COL4A2: variants seen among roughly 807,000 people sequenced by gnomAD.
COL4A2 encodes the protein collagen type IV alpha 2 chain, also known as collagen alpha-2(IV) chain.
In COL4A2, 99 loss-of-function variants were observed where a neutral mutation model predicts 200.2. That is an observed-to-expected ratio of 0.49 (90% CI 0.42 to 0.58). COL4A2 has a LOEUF of 0.58. COL4A2 is among the 20% of genes least tolerant of loss of function. The pLI, the probability that COL4A2 is intolerant of heterozygous loss-of-function variation, is 0.00. For synonymous variants in COL4A2, 897 were observed against 900.6 expected (o/e 1.00, Z 0.07); for missense variants, 1,950 against 2,314.1 (o/e 0.84, Z 3.23).
Position 110,465,349 on chromosome 13 carries a change from G to A in COL4A2, c.1777-56G>A, listed in dbSNP as rs73619501. Reference sequence around the variant, plus strand: ...AAATGGGAAAGGAAACAGGGAAGTCGAGGCGATCTTTAACATTAGTATATA... The same window carrying A: ...AAATGGGAAAGGAAACAGGGAAGTCAAGGCGATCTTTAACATTAGTATATA... On this transcript the variant is annotated intron_variant, in intron 24 of 47. Coordinates refer to ENST00000360467, the MANE Select transcript of COL4A2 (RefSeq NM_001846.4). 2.0e-3 allele frequency: 3,092 copies of A among 1,530,496 alleles called. 47 individuals are homozygous for A. The African/African-American group carries it at 0.036, about 18-fold the overall frequency. The allele number at this position is 1,530,496 out of a possible 1,614,324, so 94.8% of individuals were successfully genotyped here. A position where few individuals can be genotyped will look rare whatever the true frequency, so the allele number is the denominator to read the frequency against.
At chr13:110,379,646 G>A (rs895968882) in intron 4 of COL4A2, among the ~76,000 whole-genome samples, 11 of 152,286 alleles carry the variant, frequency 7.2e-5, no homozygotes, top group Middle Eastern at 3.4e-3. Context: ...TGGGGTGCTG[G>A]GGTCGGAGTA....
At position 110,313,444 on chromosome 13, in the gene COL4A2, G is replaced by A. The variant is rs570661910; in HGVS notation, c.99+5321G>A. On this transcript the variant is annotated intron_variant, in intron 3 of 47. Transcript: ENST00000360467. ...TTCAAAGGACGTGCGAGCAGCCGGC[G>A]TCCACCCGGCAGGCTCCCACCCCGG... is the stretch of plus-strand genomic sequence containing the variant. Among the ~76,000 whole-genome samples, 39 of 152,028 alleles carry A rather than the reference G, an allele frequency of 2.6e-4. 1 individual carries two copies. The highest frequency in any genetic ancestry group is 8.9e-4 in the African/African-American group (37 of 41,432).
At chr13:110,327,457 C>A (rs1215024747) in intron 3 of COL4A2, among the ~76,000 whole-genome samples, 2 of 152,250 alleles carry the variant, frequency 1.3e-5, no homozygotes, top group Non-Finnish European at 2.9e-5. Flanking sequence ...GCCGTCCCAG[C>A]AGGTCAGTCT....
At chr13:110,391,621 G>A (rs982960353) in intron 4 of COL4A2, among the ~76,000 whole-genome samples, 2 of 152,234 alleles carry the variant, frequency 1.3e-5, no homozygotes, top group Non-Finnish European at 1.5e-5. Flanking sequence ...GCTTACTAGC[G>A]CGATGCCCTT....
chr13:110,308,518 G>A lies in COL4A2; in HGVS notation c.99+395G>A, dbSNP rs149407344. Among the ~76,000 whole-genome samples, 72 of 152,310 alleles carry A rather than the reference G, an allele frequency of 4.7e-4. 1 individual carries two copies. The Middle Eastern group carries it at 0.01, about 22-fold the overall frequency. ...CCTGGAACTCGGGAGCTGGTGGGGA[G>A]TCTCTGTCACGGACTGAGGGTTTTT... On this transcript the variant is annotated intron_variant, in intron 3 of 47. Transcript: ENST00000360467.
rs76613410 is a variant in COL4A2 at position 110,381,798 on chromosome 13, C to T, written c.180+24246C>T. ...GTAAACCACACAGCCAAGCACCCAA[C>T]GCATCATCATCTTCATATCATCGTT... is the stretch of plus-strand genomic sequence containing the variant. On this transcript the variant is annotated intron_variant, in intron 4 of 47. Transcript: ENST00000360467. 1.3e-3 allele frequency among the ~76,000 whole-genome samples: 200 copies of T among 152,314 alleles called. 2 individuals are homozygous for T. The East Asian group carries it at 0.033, about 25-fold the overall frequency.
At chr13:110,472,752 G>C (rs1882527801) in intron 28 of COL4A2, among the ~76,000 whole-genome samples, 177 bp from the exon 29 acceptor site, 1 of 152,244 alleles carries the variant, frequency 6.6e-6, no homozygotes, top group East Asian at 1.9e-4. Context: ...CCAACAGAAC[G>C]ACATGGCGAA....
chr13:110,444,648 A>G (rs575862537), intron 16 of COL4A2, among the ~76,000 whole-genome samples: 1 of 152,210 alleles, frequency 6.6e-6, no homozygotes, highest in African/African-American at 2.4e-5. Context: ...AAGTAATCAG[A>G]GAATGGACCT....
Position 110,501,762 on chromosome 13 carries a change from G to C in COL4A2, c.3855G>C (p.Ala1285=), listed in dbSNP as rs368030370. ...CTGGGGCACCTGGTGACAAAGGGGC[G>C]CCAGGGATATTTGGCCTGAAAGGTA... ...NISGAPGDKG[A]PGIFGLKGYR... The change falls in exon 41 of 48, where the codon GCG becomes GCC. Residue 1285 remains alanine, a synonymous_variant. Transcript: ENST00000360467. 6.2e-7 allele frequency: 1 copy of C among 1,613,612 alleles called. No individual in the cohort carries two copies. Among genetic ancestry groups the C allele is most frequent in the Non-Finnish European group, 8.5e-7 (1 of 1,179,698 alleles).
At chr13:110,510,414 A>G (rs1361411287) in intron 47 of COL4A2, among the ~76,000 whole-genome samples, 3 of 152,014 alleles carry the variant, frequency 2.0e-5, no homozygotes, top group African/African-American at 7.3e-5. Flanking sequence ...TCTTTTTTCA[A>G]TTCTGGCTAC....
At chr13:110,499,524 C>G (rs373988106) in intron 40 of COL4A2, among the ~76,000 whole-genome samples, 1 of 151,800 alleles carries the variant, frequency 6.6e-6, no homozygotes, top group Non-Finnish European at 1.5e-5. Context: ...AACTACAAGT[C>G]GAGATTTGGG....
intron 20 of COL4A2, among the ~76,000 whole-genome samples, chr13:110,452,134 T>C (rs1188765280): frequency 1.3e-5 from 2 of 151,940 alleles, no homozygotes; most frequent in Non-Finnish European, 2.9e-5. Flanking sequence ...GTTTGTTTGT[T>C]TGTTTGTTTG....
At chr13:110,506,170 C>T (rs550748785) in intron 45 of COL4A2, among the ~76,000 whole-genome samples, 1 of 151,940 alleles carries the variant, frequency 6.6e-6, no homozygotes, top group South Asian at 2.1e-4. Flanking sequence ...TGCACTAGGC[C>T]GTCCACTCTC....
At chr13:110,437,264 C>T (rs574847734) in intron 13 of COL4A2, among the ~76,000 whole-genome samples, 30 of 152,166 alleles carry the variant, frequency 2.0e-4, no homozygotes, top group Non-Finnish European at 4.0e-4. Context: ...TCCTGGGAGA[C>T]GGCAGGGAGG....
At chr13:110,370,141 A>G (rs898084532) in intron 4 of COL4A2, among the ~76,000 whole-genome samples, 9 of 151,590 alleles carry the variant, frequency 5.9e-5, no homozygotes, top group African/African-American at 2.2e-4. Context: ...CTAGAATCAC[A>G]TCACTCTCTT....
chr13:110,311,427 T>G (rs1416553873), intron 3 of COL4A2, among the ~76,000 whole-genome samples: 2 of 152,082 alleles, frequency 1.3e-5, no homozygotes. Flanking sequence ...GGTGACGGGG[T>G]GCAGTTCTCA....
At chr13:110,361,424 GT>G (rs762225705) in intron 4 of COL4A2, among the ~76,000 whole-genome samples, 10 of 152,128 alleles carry the variant, frequency 6.6e-5, no homozygotes, top group Non-Finnish European at 1.2e-4. Flanking sequence ...TCTCTTCCCT[GT>G]GGTGCTACTG....
intron 36 of COL4A2, among the ~76,000 whole-genome samples, chr13:110,489,999 CTCTT>C (rs1367668262): frequency 1.3e-5 from 2 of 152,208 alleles, no homozygotes; most frequent in African/African-American, 4.8e-5. Context: ...CTCTGTCTCT[CTCTT>C]TGATACTGAA....
At chr13:110,379,868 A>G (rs987964998) in intron 4 of COL4A2, among the ~76,000 whole-genome samples, 1 of 152,084 alleles carries the variant, frequency 6.6e-6, no homozygotes, top group Non-Finnish European at 1.5e-5. Context: ...GCTTCCTGGT[A>G]GAAGGACTTA....
Sources: gnomAD v4.1 joint callset for allele counts (sites outside exome capture counted in the v4.1 genomes callset) on GRCh38, gnomAD v4.1.1 for gene constraint, MANE v1.5 for transcripts, NCBI Gene and HGNC (gene_info 2026-07-23, HGNC 2026-07-21) for gene names.